Variants in CCSER1 observed in about 807,000 individuals in gnomAD.
CCSER1 encodes the protein coiled-coil serine rich protein 1, also known as serine-rich coiled-coil domain-containing protein 1.
Under a neutral mutation model 82.0 loss-of-function variants are expected in CCSER1, and 41 were observed. The ratio of observed to expected loss-of-function variants is 0.50; its 90% CI spans 0.39 to 0.65. The LOEUF (loss-of-function observed/expected upper bound fraction) is 0.65, where lower values mean the gene tolerates loss of function less well. CCSER1 is among the 30% of genes least tolerant of loss of function. The pLI is 0.00. For missense variants in CCSER1, 1,119 were observed against 1,064.2 expected, an observed-to-expected ratio of 1.05 and a Z score of -0.72; for synonymous variants, 414 against 383.9, an observed-to-expected ratio of 1.08 and a Z score of -0.92.
intron 10 of CCSER1, among the ~76,000 whole-genome samples, chr4:91,263,710 T>C (rs1741362571): frequency 6.6e-6 from 1 of 151,788 alleles, no homozygotes; most frequent in Admixed American, 6.6e-5. Flanking sequence ...AAAGAGAAAG[T>C]AAAAAACCTG....
At chr4:90,614,664 G>C (rs892997203) in intron 5 of CCSER1, among the ~76,000 whole-genome samples, 1 of 152,206 alleles carries the variant, frequency 6.6e-6, no homozygotes, top group African/African-American at 2.4e-5. Context: ...TGAAGGCTGA[G>C]AGAGGTGAAA....
chr4:90,616,891 C>G (rs766153917), intron 5 of CCSER1, among the ~76,000 whole-genome samples: 7 of 152,014 alleles, frequency 4.6e-5, no homozygotes, highest in Admixed American at 6.6e-5. Context: ...AGAAGCTTAT[C>G]GAGGATTTCG....
chr4:90,281,585 G>A (rs948459888), intron 1 of CCSER1, among the ~76,000 whole-genome samples: 1 of 151,918 alleles, frequency 6.6e-6, no homozygotes, highest in African/African-American at 2.4e-5. Flanking sequence ...CCCAGGTGAC[G>A]TTCTTTGTTC....
chr4:91,544,731 G>T (rs368568404), intron 10 of CCSER1, among the ~76,000 whole-genome samples: 107 of 152,224 alleles, frequency 7.0e-4, no homozygotes, highest in African/African-American at 2.5e-3. Context: ...ACTGGGGGGT[G>T]CCTCCCAGTT....
intron 10 of CCSER1, among the ~76,000 whole-genome samples, chr4:91,145,699 T>C (rs1468050058): frequency 1.3e-5 from 2 of 152,206 alleles, no homozygotes; most frequent in African/African-American, 4.8e-5. Flanking sequence ...TTATTTCTCC[T>C]TTGCTTATGC....
At chr4:91,537,613 G>A (rs1761360448) in intron 10 of CCSER1, among the ~76,000 whole-genome samples, 1 of 151,730 alleles carries the variant, frequency 6.6e-6, no homozygotes, top group South Asian at 2.1e-4. Context: ...TATATATTTA[G>A]GGACCATAGC....
At chr4:90,369,892 A>C (rs935310372) in intron 3 of CCSER1, among the ~76,000 whole-genome samples, 3 of 152,130 alleles carry the variant, frequency 2.0e-5, no homozygotes, top group Admixed American at 6.6e-5. Flanking sequence ...ATTAACTGGT[A>C]TAATGAAAAC....
intron 8 of CCSER1, among the ~76,000 whole-genome samples, chr4:90,833,944 C>T (rs2149833918): frequency 6.6e-6 from 1 of 152,244 alleles, no homozygotes; most frequent in South Asian, 2.1e-4. Context: ...ACTCTGTTTG[C>T]TTCTGCTTTC....
chr4:91,253,185 T>A (rs1740394282), intron 10 of CCSER1, among the ~76,000 whole-genome samples: 1 of 152,150 alleles, frequency 6.6e-6, no homozygotes, highest in Admixed American at 6.5e-5. Flanking sequence ...GTGAAGACAA[T>A]GAGGATAAAG....
At chr4:91,431,968 C>G (rs1400845295) in intron 10 of CCSER1, among the ~76,000 whole-genome samples, 2 of 152,104 alleles carry the variant, frequency 1.3e-5, no homozygotes, top group East Asian at 3.9e-4. Flanking sequence ...CCCACCAAAT[C>G]TCATCTCGAA....
intron 6 of CCSER1, among the ~76,000 whole-genome samples, chr4:90,673,882 A>G (rs1383217572): frequency 6.6e-6 from 1 of 152,056 alleles, no homozygotes; most frequent in Non-Finnish European, 1.5e-5. Flanking sequence ...AAATTTAGCC[A>G]GTAATTGGGG....
intron 5 of CCSER1, among the ~76,000 whole-genome samples, chr4:90,536,022 T>C (rs193171727): frequency 1.3e-5 from 2 of 148,294 alleles, no homozygotes; most frequent in Admixed American, 6.8e-5. Context: ...TTTCTTTTTC[T>C]TTCTTTCTGT....
intron 10 of CCSER1, among the ~76,000 whole-genome samples, chr4:91,322,901 TAG>T (rs1212884408): frequency 1.3e-5 from 2 of 152,046 alleles, no homozygotes; most frequent in Non-Finnish European, 2.9e-5. Flanking sequence ...GAAGTAGAAA[TAG>T]AGATAAAGAT....
chr4:90,191,300 G>A (rs1735568601), intron 1 of CCSER1, among the ~76,000 whole-genome samples: 1 of 151,928 alleles, frequency 6.6e-6, no homozygotes, highest in South Asian at 2.1e-4. Context: ...GAGTATGGGG[G>A]CGGGGGGTAT....
chr4:91,234,970 G>A (rs1000662273), intron 10 of CCSER1, among the ~76,000 whole-genome samples: 1 of 151,906 alleles, frequency 6.6e-6, no homozygotes, highest in Non-Finnish European at 1.5e-5. Context: ...AGGCAATATA[G>A]CCTAGAGGTT....
intron 4 of CCSER1, among the ~76,000 whole-genome samples, chr4:90,459,327 T>C (rs1399580959): frequency 6.6e-6 from 1 of 152,190 alleles, no homozygotes. Context: ...GATTCAGCCA[T>C]TAGGTGGGAG....
In CCSER1 at chr4:90,599,377, G is replaced by T. The variant is rs565547307; in HGVS notation, c.1725-28648G>T. Reference sequence around the variant, plus strand: ...TTTCATTATTTTTCTCTCTCCTCTCGCCATGTAAGACGTGCCTTGCTTCCC... The same window carrying T: ...TTTCATTATTTTTCTCTCTCCTCTCTCCATGTAAGACGTGCCTTGCTTCCC... On this transcript the variant is annotated intron_variant, in intron 5 of 10. Transcript: ENST00000509176. 2.0e-5 allele frequency among the ~76,000 whole-genome samples: 3 copies of T among 151,874 alleles called. No individual in the cohort carries two copies. In the East Asian group the frequency reaches 5.8e-4, roughly 29 times the overall value.
intron 5 of CCSER1, among the ~76,000 whole-genome samples, chr4:90,562,055 TG>T (rs1254785975): frequency 1.3e-5 from 2 of 151,914 alleles, no homozygotes; most frequent in Non-Finnish European, 2.9e-5. Flanking sequence ...CCGGGCATAG[TG>T]GCGAGTGCCT....
chr4:90,519,583 T>G (rs1425905521), intron 5 of CCSER1, among the ~76,000 whole-genome samples: 1 of 152,004 alleles, frequency 6.6e-6, no homozygotes, highest in African/African-American at 2.4e-5. Flanking sequence ...GAACTGCTTA[T>G]TACAATTTTT....
Sources: gnomAD v4.1 joint callset for allele counts (sites outside exome capture counted in the v4.1 genomes callset) on GRCh38, gnomAD v4.1.1 for gene constraint, MANE v1.5 for transcripts, NCBI Gene and HGNC (gene_info 2026-07-23, HGNC 2026-07-21) for gene names.